RAN: variants seen among roughly 807,000 people sequenced by gnomAD.
The protein encoded by RAN is GTP-binding nuclear protein Ran.
Under a neutral mutation model 26.8 loss-of-function variants are expected in RAN, and 2 were observed. That is an observed-to-expected ratio of 0.07 (90% CI 0.03 to 0.23). RAN has a LOEUF of 0.23. RAN is among the 10% of genes least tolerant of loss of function. The pLI, the probability that RAN is intolerant of heterozygous loss-of-function variation, is 1.00. For synonymous variants in RAN, 132 were observed against 95.9 expected, an observed-to-expected ratio of 1.38 and a Z score of -2.20; for missense variants, 56 against 264.8, an observed-to-expected ratio of 0.21 and a Z score of 5.47.
chr12:130,872,968 A>G (rs1174693473), intron 3 of RAN, 35 bp from the exon 4 acceptor site: 2 of 1,614,060 alleles, frequency 1.2e-6, no homozygotes, highest in Non-Finnish European at 1.7e-6. Flanking sequence ...GAAATGGGTA[A>G]GTTCATCCAC....
intron 5 of RAN, among the ~76,000 whole-genome samples, 163 bp from the exon 6 acceptor site, chr12:130,875,449 G>T (rs1053894982): frequency 2.0e-5 from 3 of 150,662 alleles, no homozygotes; most frequent in Non-Finnish European, 3.0e-5. Flanking sequence ...TGTACTATTG[G>T]CCTCAGGCAA....
intron 5 of RAN, 72 bp downstream of exon 5, chr12:130,874,805 G>A: frequency 1.6e-6 from 2 of 1,279,878 alleles, no homozygotes; most frequent in South Asian, 2.8e-5. Context: ...AAATTAACCA[G>A]TGTCTATTAT....
chr12:130,875,814 CG>C, intron 6 of RAN, 32 bp downstream of exon 6: 1 of 1,614,058 alleles, frequency 6.2e-7, no homozygotes, highest in Non-Finnish European at 8.5e-7. Context: ...TCAGATTGTT[CG>C]GTTTGGCTTG....
Position 130,874,827 on chromosome 12 carries a change from A to AT in RAN, c.435+103dup, listed in dbSNP as rs147801513. 4,200 of 1,116,994 alleles carry AT rather than the reference A, an allele frequency of 3.8e-3. 71 individuals carry two copies. The African/African-American group carries it at 0.05, about 13-fold the overall frequency. The allele number at this position is 1,116,994 out of a possible 1,614,324, so 69.2% of individuals were successfully genotyped here. On this transcript the variant is annotated intron_variant, in intron 5 of 6. Transcript: ENST00000543796. ...CCAGTGTCTATTATATATGGAAATG[A>AT]TTTTTTTTTCCCCAAGACGGAGTCT...
rs949747167 is a variant in RAN, at chr12:130,877,323, C to T, written c.*1397C>T. 1.3e-5 allele frequency: 2 copies of T among 152,160 alleles called. No homozygotes were observed. Among genetic ancestry groups the T allele is most frequent in the South Asian group, 4.1e-4 (2 of 4,826 alleles). 9.4% of individuals were successfully genotyped at this position (152,160 alleles called of 1,614,324 possible). ...ATGGAAAAATGAAATAAGGGTGAAG[C>T]TGAATAAAGTTCTACTTACTGTATT... On this transcript the variant is annotated 3_prime_UTR_variant, in exon 7 of 7. Transcript: ENST00000543796.
intron 4 of RAN, chr12:130,873,668 C>G (rs1483198334): frequency 6.3e-6 from 1 of 159,570 alleles, no homozygotes; most frequent in East Asian, 1.9e-4. Flanking sequence ...CAAGAAAATA[C>G]TCATCTCTCT....
In RAN at chr12:130,876,907, A is replaced by G. The variant is rs1593222256; in HGVS notation, c.*981A>G. ...TTTAAGTTCTTCAGCAGTTCACACTACACCGTTTTTTTGTTTTTTTTTCCC... is the reference window on the plus strand; with the variant it reads ...TTTAAGTTCTTCAGCAGTTCACACTGCACCGTTTTTTTGTTTTTTTTTCCC... On this transcript the variant is annotated 3_prime_UTR_variant, in exon 7 of 7. Coordinates refer to ENST00000543796, the MANE Select transcript of RAN (RefSeq NM_006325.5). The G allele has an allele frequency of 6.6e-6, 1 of 152,136 alleles. No homozygotes were observed. Among genetic ancestry groups the G allele is most frequent in the South Asian group, 2.1e-4 (1 of 4,820 alleles). The allele number at this position is 152,136 out of a possible 1,614,324, so 9.4% of individuals were successfully genotyped here. A position where few individuals can be genotyped will look rare whatever the true frequency, so the allele number is the denominator to read the frequency against.
At chr12:130,875,105 C>T (rs1953214413) in intron 5 of RAN, among the ~76,000 whole-genome samples, 1 of 152,196 alleles carries the variant, frequency 6.6e-6, no homozygotes, top group Admixed American at 6.5e-5. Context: ...GGATTACAGG[C>T]ATGAGCCACT....
chr12:130,872,393 C>A, intron 1 of RAN, 191 bp from the exon 2 acceptor site: 1 of 167,264 alleles, frequency 6.0e-6, no homozygotes, highest in South Asian at 1.9e-4. Context: ...CTCCGGCCGC[C>A]GTTCCCCGGG....
intron 6 of RAN, 43 bp from the exon 7 acceptor site, chr12:130,875,839 G>A: frequency 6.2e-7 from 1 of 1,614,052 alleles, no homozygotes; most frequent in Non-Finnish European, 8.5e-7. Context: ...ATTCCTGGCA[G>A]TTTTGATCTG....
chr12:130,874,374 A>C (rs1210991515), intron 4 of RAN, 172 bp from the exon 5 acceptor site: 1 of 563,802 alleles, frequency 1.8e-6, no homozygotes, highest in African/African-American at 1.9e-5. Context: ...TCTTAGGAGG[A>C]ATTGTGTATT....
At position 130,876,503 on chromosome 12, in the gene RAN, G is replaced by A. The variant is rs1030071971; in HGVS notation, c.*577G>A. ...TATTTGGTTAGAAGGGTTACATGGT[G>A]TAAATATTAGTGCAGTTAAGCTAAA... On this transcript the variant is annotated 3_prime_UTR_variant, in exon 7 of 7. Transcript: ENST00000543796. 6.5e-6 allele frequency: 1 copy of A among 154,132 alleles called. No individual in the cohort carries two copies. The highest frequency in any genetic ancestry group is 1.4e-5 in the Non-Finnish European group (1 of 69,398). 9.5% of individuals were successfully genotyped at this position (154,132 alleles called of 1,614,324 possible).
At chr12:130,872,979 T>C in intron 3 of RAN, 24 bp from the exon 4 acceptor site, 2 of 1,614,220 alleles carry the variant, frequency 1.2e-6, no homozygotes, top group Non-Finnish European at 1.7e-6. Context: ...GTTCATCCAC[T>C]CAATCGCATC....
Position 130,872,094 on chromosome 12 carries a change from T to A in RAN, c.-43T>A. ...TTGCGCTTCCGCCATCTTTCCAGCCTCAGTCGGACGGGCGCGGAGACGCTT... is the reference window on the plus strand; with the variant it reads ...TTGCGCTTCCGCCATCTTTCCAGCCACAGTCGGACGGGCGCGGAGACGCTT... On this transcript the variant is annotated 5_prime_UTR_variant, in exon 1 of 7. Transcript: ENST00000543796. 9.3e-6 allele frequency: 3 copies of A among 320,952 alleles called. No homozygotes were observed. Among genetic ancestry groups the A allele is most frequent in the South Asian group, 6.6e-5 (3 of 45,294 alleles). The allele number at this position is 320,952 out of a possible 1,614,324, so 19.9% of individuals were successfully genotyped here.
chr12:130,874,620 C>T lies in RAN; in HGVS notation c.322C>T (p.Leu108=), dbSNP rs745568472. 7 of 1,607,678 alleles carry T rather than the reference C, an allele frequency of 4.4e-6. No individual in the cohort carries two copies. Among genetic ancestry groups the T allele is most frequent in the Non-Finnish European group, 5.1e-6 (6 of 1,174,660 alleles). The stretch of plus-strand genomic sequence containing the variant: ...GAATGTGCCTAACTGGCATAGAGAT[C>T]TGGTACGAGTGTGTGAAAACATCCC... The part of the protein sequence containing the change: ...YKNVPNWHRD[L]VRVCENIPIV... The change falls in exon 5 of 7, where the codon CTG becomes TTG. Residue 108 remains leucine, a synonymous_variant. Coordinates refer to ENST00000543796, the MANE Select transcript of RAN (RefSeq NM_006325.5).
At chr12:130,874,520 A>G (rs1953202211) in intron 4 of RAN, 26 bp from the exon 5 acceptor site, 2 of 1,517,338 alleles carry the variant, frequency 1.3e-6, no homozygotes, top group Middle Eastern at 2.4e-4. Context: ...AACTGAGTGT[A>G]CTAATTCCCA....
chr12:130,873,271 C>T, intron 4 of RAN, 143 bp downstream of exon 4: 1 of 1,124,196 alleles, frequency 8.9e-7, no homozygotes, highest in East Asian at 2.4e-5. Flanking sequence ...GAGTTGACCA[C>T]CATTTTGGTG....
In RAN at chr12:130,873,029, C is replaced by T. The variant is rs758326624; in HGVS notation, c.148C>T (p.Leu50=). The part of the protein sequence containing the change: ...VATLGVEVHP[L]VFHTNRGPIK... ...CACCTTGGGTGTTGAGGTTCATCCC[C>T]TAGTGTTCCACACCAACAGAGGACC... is the stretch of plus-strand genomic sequence containing the variant. The change falls in exon 4 of 7, where the codon CTA becomes TTA. Residue 50 remains leucine (L), a synonymous_variant. Coordinates refer to ENST00000543796, the MANE Select transcript of RAN (RefSeq NM_006325.5). 1.5e-5 allele frequency: 25 copies of T among 1,614,090 alleles called. No homozygotes were observed. The East Asian group carries it at 1.8e-4, about 12-fold the overall frequency.
chr12:130,876,207 G>A lies in RAN; in HGVS notation c.*281G>A. ...CAGTCACATCACAATATTCAGTGGTGAAATCTTGTTTGTTACTGTCATTCC... is the reference window on the plus strand; with the variant it reads ...CAGTCACATCACAATATTCAGTGGTAAAATCTTGTTTGTTACTGTCATTCC... On this transcript the variant is annotated 3_prime_UTR_variant, in exon 7 of 7. Transcript: ENST00000543796. 2.3e-6 allele frequency: 1 copy of A among 429,016 alleles called. No homozygotes were observed. Among genetic ancestry groups the A allele is most frequent in the Non-Finnish European group, 4.2e-6 (1 of 239,884 alleles). The allele number at this position is 429,016 out of a possible 1,614,324, so 26.6% of individuals were successfully genotyped here.
Sources: allele counts gnomAD v4.1 joint callset (sites outside exome capture counted in the v4.1 genomes callset), GRCh38; gene constraint gnomAD v4.1.1; transcripts MANE v1.5; gene names NCBI Gene and HGNC (gene_info 2026-07-23, HGNC 2026-07-21).